Variants in CENPE observed in about 807,000 individuals in gnomAD.
The protein encoded by CENPE is centromere-associated protein E.
A neutral mutation model predicts 336.1 loss-of-function variants in CENPE; 145 were observed. The ratio of observed to expected loss-of-function variants is 0.43; its 90% CI spans 0.38 to 0.50. CENPE has a LOEUF of 0.50. CENPE is among the 20% of genes least tolerant of loss of function. The probability of loss-of-function intolerance (pLI) is 0.00; values close to 1 mark genes in which losing one functional copy is unlikely to be tolerated. For missense variants in CENPE, 2,719 were observed against 3,023.3 expected, an observed-to-expected ratio of 0.90 and a Z score of 2.36; for synonymous variants, 1,013 against 984.8, an observed-to-expected ratio of 1.03 and a Z score of -0.54.
Position 103,176,937 on chromosome 4 carries a change from T to C in CENPE, c.1352A>G (p.His451Arg), listed in dbSNP as rs1175438043. 1.3e-6 allele frequency: 2 copies of C among 1,595,420 alleles called. No individual in the cohort carries two copies. The highest frequency in any genetic ancestry group is 1.1e-5 in the South Asian group (1 of 88,370). ...TCGTAATAAATTTATAGAAAGCTTATGTGTTTTTGTTGTTATATTTGTTGG... is the reference window on the plus strand; with the variant it reads ...TCGTAATAAATTTATAGAAAGCTTACGTGTTTTTGTTGTTATATTTGTTGG... ...NIPTNITTKT[H>R]KLSINLLREI... Residue 451 changes from histidine to arginine, a missense_variant, in exon 14 of 49, where the codon CAT (histidine) becomes CGT (arginine). By Grantham distance (29) the His-to-Arg change is conservative. Transcript: ENST00000265148.
At chr4:103,197,237 T>C (rs1220648687) in intron 1 of CENPE, among the ~76,000 whole-genome samples, 1 of 152,216 alleles carries the variant, frequency 6.6e-6, no homozygotes, top group Non-Finnish European at 1.5e-5. Flanking sequence ...CCTAGATACA[T>C]CCTAAGCTCT....
In CENPE at chr4:103,198,206, C is replaced by T. The variant is rs1227023209; in HGVS notation, c.56+58G>A. On this transcript the variant is annotated intron_variant, in intron 1 of 48. Coordinates refer to ENST00000265148, the MANE Select transcript of CENPE (RefSeq NM_001813.3). ...GGAAACATCGTAGGCCTCGCCCCTC[C>T]GGCTCAGGGCGGCGCCGCAGGCCCA... The T allele has an allele frequency of 2.0e-6, 3 of 1,513,030 alleles. 1 individual carries two copies. The highest frequency in any genetic ancestry group is 1.4e-5 in the African/African-American group (1 of 72,312). 93.7% of individuals were successfully genotyped at this position (1,513,030 alleles called of 1,614,324 possible).
Position 103,116,636 on chromosome 4 carries a change from T to G in CENPE, c.7383A>C (p.Lys2461Asn). Reference sequence around the variant, plus strand: ...CTAGGTCTATTTTCACAAGCTTCATTTTGAGATCTTCAATTTCTTCTTTAT... The same window carrying G: ...CTAGGTCTATTTTCACAAGCTTCATGTTGAGATCTTCAATTTCTTCTTTAT... ...KPYKEEIEDLKMKLVKIDLEK... is the reference protein window; with the variant it reads ...KPYKEEIEDLNMKLVKIDLEK... Residue 2461 changes from lysine to asparagine, a missense_variant, in exon 45 of 49, where the codon AAA becomes AAC. Transcript: ENST00000265148. 1 of 1,596,902 alleles carries G rather than the reference T, an allele frequency of 6.3e-7. No individual in the cohort carries two copies. The highest frequency in any genetic ancestry group is 8.5e-7 in the Non-Finnish European group (1 of 1,174,358).
intron 8 of CENPE, among the ~76,000 whole-genome samples, chr4:103,187,303 C>A (rs1352816412): frequency 6.6e-6 from 1 of 152,144 alleles, no homozygotes; most frequent in Non-Finnish European, 1.5e-5. Context: ...GAGAATGCCA[C>A]AAAGATACTC....
At chr4:103,131,385 C>T (rs765926196) in intron 42 of CENPE, among the ~76,000 whole-genome samples, 2 of 152,036 alleles carry the variant, frequency 1.3e-5, no homozygotes, top group Non-Finnish European at 2.9e-5. Context: ...GAATGAGATA[C>T]CACTAGAATG....
chr4:103,144,010 C>T (rs955742345), intron 33 of CENPE, among the ~76,000 whole-genome samples: 1 of 152,040 alleles, frequency 6.6e-6, no homozygotes, highest in African/African-American at 2.4e-5. Context: ...GATCTTGGCT[C>T]ACTGCAACCT....
intron 14 of CENPE, among the ~76,000 whole-genome samples, chr4:103,176,467 T>C (rs1388651282): frequency 3.3e-5 from 5 of 152,312 alleles, no homozygotes; most frequent in Admixed American, 2.6e-4. Context: ...GAATAATAAT[T>C]AGAAAATAAA....
rs1239454573 is a variant in CENPE, at chr4:103,168,137, AAG to A, written c.1648-4586_1648-4585del. ...GCTCTCACCCACACAGAGAACTGCC[AAG>A]AGATGAACCTGTCTGAGCCACTGGG... On this transcript the variant is annotated intron_variant, in intron 16 of 48. Coordinates refer to ENST00000265148, the MANE Select transcript of CENPE (RefSeq NM_001813.3). Among the ~76,000 whole-genome samples, 7 of 152,166 alleles carry A rather than the reference AAG, an allele frequency of 4.6e-5. No individual in the cohort carries two copies. The East Asian group carries it at 1.2e-3, about 25-fold the overall frequency.
At chr4:103,166,747 TA>T (rs1231314401) in intron 16 of CENPE, among the ~76,000 whole-genome samples, 2 of 152,172 alleles carry the variant, frequency 1.3e-5, no homozygotes, top group Non-Finnish European at 2.9e-5. Context: ...CACTGGGTCT[TA>T]TTTTTTTTTG....
Position 103,158,451 on chromosome 4 carries a change from T to A in CENPE, c.2882A>T (p.Asp961Val), listed in dbSNP as rs558353104. 1 of 1,554,274 alleles carries A rather than the reference T, an allele frequency of 6.4e-7. No individual in the cohort carries two copies. Among genetic ancestry groups the A allele is most frequent in the Non-Finnish European group, 8.7e-7 (1 of 1,155,146 alleles). Reference protein sequence around the residue: ...DIHDTVNMNIDTQEQLRNALE... With the variant: ...DIHDTVNMNIVTQEQLRNALE... ...AGCATTTCGTAATTGTTCTTGAGTA[T>A]CTATATTCTTTGTTAGAAAAATATA... The change falls in exon 24 of 49, where the codon GAT becomes GTT. Residue 961 changes from aspartate (D) to valine (V), a missense_variant. Physicochemically the swap from Asp to Val is radical, Grantham distance 152. Coordinates refer to ENST00000265148, the MANE Select transcript of CENPE (RefSeq NM_001813.3).
At chr4:103,168,475 C>T (rs1469095955) in intron 16 of CENPE, among the ~76,000 whole-genome samples, 2 of 152,168 alleles carry the variant, frequency 1.3e-5, no homozygotes, top group Admixed American at 6.5e-5. Flanking sequence ...TGCAAGCAAT[C>T]CTCCCTGCAT....
intron 18 of CENPE, among the ~76,000 whole-genome samples, chr4:103,162,578 T>TA (rs1300919528): frequency 6.6e-6 from 1 of 151,276 alleles, no homozygotes; most frequent in African/African-American, 2.4e-5. Flanking sequence ...TTACTGATTT[T>TA]TTTTTTTTTT....
At chr4:103,116,514 A>G (rs1750124409) in intron 45 of CENPE, 63 bp downstream of exon 45, 2 of 723,450 alleles carry the variant, frequency 2.8e-6, no homozygotes, top group African/African-American at 3.7e-5. Flanking sequence ...AATGAAAAGT[A>G]TATGTAGTTT....
At chr4:103,187,145 G>T (rs887977831) in intron 8 of CENPE, among the ~76,000 whole-genome samples, 74 of 152,202 alleles carry the variant, frequency 4.9e-4, no homozygotes, top group African/African-American at 1.5e-3. Context: ...AGTTCTCCTG[G>T]ATAATATCCT....
chr4:103,125,967 G>A (rs921100455), intron 42 of CENPE, among the ~76,000 whole-genome samples: 6 of 151,806 alleles, frequency 4.0e-5, no homozygotes, highest in Admixed American at 2.0e-4. Context: ...AAGTGAGGTC[G>A]CAGGGCAAAG....
In CENPE at chr4:103,139,907, T is replaced by C; in HGVS notation, c.6086A>G (p.Glu2029Gly). The C allele has an allele frequency of 6.2e-7, 1 of 1,613,434 alleles. No homozygotes were observed. The change falls in exon 38 of 49, where the codon GAA (glutamate) becomes GGA (glycine). Residue 2029 changes from glutamate (E) to glycine (G), a missense_variant. Coordinates refer to ENST00000265148, the MANE Select transcript of CENPE (RefSeq NM_001813.3). ...DNFQLTKKLH[E>G]SLEEIRIVAK... is the part of the protein sequence containing the mutation. ...TACAATTCTTATTTCTTCAAGGCTT[T>C]CATGAAGTTTCTTAGTCAACTGGAA...
In CENPE at chr4:103,145,510, A is replaced by T. The variant is rs1034271625; in HGVS notation, c.4572+13T>A. ...ACCCATTTCCTCCCACTGTTTCTTCATCCCCAATTTACCTTGTTCTGTAAT... is the reference window on the plus strand; with the variant it reads ...ACCCATTTCCTCCCACTGTTTCTTCTTCCCCAATTTACCTTGTTCTGTAAT... On this transcript the variant is annotated intron_variant, in intron 31 of 48. Transcript: ENST00000265148. The T allele has an allele frequency of 6.3e-7, 1 of 1,590,824 alleles. No homozygotes were observed. The highest frequency in any genetic ancestry group is 1.4e-5 in the African/African-American group (1 of 73,852).
chr4:103,164,817 C>A (rs1367627564), intron 16 of CENPE, among the ~76,000 whole-genome samples: 1 of 152,076 alleles, frequency 6.6e-6, no homozygotes, highest in Non-Finnish European at 1.5e-5. Flanking sequence ...GACATTTGTA[C>A]TGCTTTTAAT....
intron 42 of CENPE, among the ~76,000 whole-genome samples, chr4:103,126,617 C>A (rs1194175463): frequency 6.6e-6 from 1 of 152,104 alleles, no homozygotes; most frequent in Non-Finnish European, 1.5e-5. Context: ...ATGCCAGGAA[C>A]ATGAGAGTTA....
Sources: allele counts gnomAD v4.1 joint callset (sites outside exome capture counted in the v4.1 genomes callset), GRCh38; gene constraint gnomAD v4.1.1; transcripts MANE v1.5; gene names NCBI Gene and HGNC (gene_info 2026-07-23, HGNC 2026-07-21).